The following RNF152 variants were observed in gnomAD, a reference collection of about 807,000 sequenced individuals.
RNF152 encodes the protein E3 ubiquitin-protein ligase RNF152.
In RNF152, 11 loss-of-function variants were observed where a neutral mutation model predicts 12.7. The ratio of observed to expected loss-of-function variants is 0.86; its 90% CI spans 0.54 to 1.43. RNF152 has a LOEUF of 1.43. Ranked by LOEUF, RNF152 falls within the 40% of genes most tolerant of loss-of-function variation. The pLI is 0.00. For missense variants in RNF152, 255 were observed against 274.8 expected (o/e 0.93, Z 0.51); for synonymous variants, 113 against 120.3 (o/e 0.94, Z 0.40).
intron 1 of RNF152, among the ~76,000 whole-genome samples, chr18:61,886,479 T>C (rs1160687387): frequency 6.6e-6 from 1 of 152,206 alleles, no homozygotes; most frequent in Non-Finnish European, 1.5e-5. Flanking sequence ...ATAAACTACA[T>C]GAGATATTTG....
Position 61,809,908 on chromosome 18 carries a change from T to G in RNF152, c.*5944A>C, listed in dbSNP as rs954807436. 1 of 148,602 alleles carries G rather than the reference T, an allele frequency of 6.7e-6. No individual in the cohort carries two copies. Among genetic ancestry groups the G allele is most frequent in the African/African-American group, 2.5e-5 (1 of 40,450 alleles). The allele number at this position is 148,602 out of a possible 1,614,324, so 9.2% of individuals were successfully genotyped here. A position where few individuals can be genotyped will look rare whatever the true frequency, so the allele number is the denominator to read the frequency against. On this transcript the variant is annotated 3_prime_UTR_variant, in exon 2 of 2. Coordinates refer to ENST00000312828, the MANE Select transcript of RNF152 (RefSeq NM_173557.3). ...TGGCTCGACTGAGCAAGAAAATTTGTGCAGAAAAATGGGAACCAAATTGCA... is the reference window on the plus strand; with the variant it reads ...TGGCTCGACTGAGCAAGAAAATTTGGGCAGAAAAATGGGAACCAAATTGCA...
chr18:61,809,760 T>C lies in RNF152; in HGVS notation c.*6092A>G, dbSNP rs546577087. 6.8e-6 allele frequency: 1 copy of C among 147,540 alleles called. No homozygotes were observed. Among genetic ancestry groups the C allele is most frequent in the Admixed American group, 7.0e-5 (1 of 14,320 alleles). 9.1% of individuals were successfully genotyped at this position (147,540 alleles called of 1,614,324 possible). On this transcript the variant is annotated 3_prime_UTR_variant, in exon 2 of 2. Transcript: ENST00000312828. ...ATGAATAATATAAAAAACCTTAGATTAGAATAATAAAATCGAGCTAATGAG... is the reference window on the plus strand; with the variant it reads ...ATGAATAATATAAAAAACCTTAGATCAGAATAATAAAATCGAGCTAATGAG...
chr18:61,829,971 G>C (rs141016410), intron 1 of RNF152, among the ~76,000 whole-genome samples: 1 of 151,472 alleles, frequency 6.6e-6, no homozygotes, highest in East Asian at 1.9e-4. Flanking sequence ...CAATTCAGTG[G>C]CTTTAAGTCA....
chr18:61,843,891 C>A (rs2144676685), intron 1 of RNF152, among the ~76,000 whole-genome samples: 2 of 151,722 alleles, frequency 1.3e-5, no homozygotes, highest in Middle Eastern at 6.8e-3. Context: ...TATGGTTGTA[C>A]AACATTGTGA....
In RNF152 at chr18:61,809,756, A is replaced by G. The variant is rs11664681; in HGVS notation, c.*6096T>C. 1.2e-3 allele frequency: 183 copies of G among 151,972 alleles called. No individual in the cohort carries two copies. The highest frequency in any genetic ancestry group is 3.2e-3 in the Middle Eastern group (1 of 316). 9.4% of individuals were successfully genotyped at this position (151,972 alleles called of 1,614,324 possible). A position where few individuals can be genotyped will look rare whatever the true frequency, so the allele number is the denominator to read the frequency against. On this transcript the variant is annotated 3_prime_UTR_variant, in exon 2 of 2. Transcript: ENST00000312828. ...TAGTATGAATAATATAAAAAACCTT[A>G]GATTAGAATAATAAAATCGAGCTAA... is the stretch of plus-strand genomic sequence containing the variant.
chr18:61,855,670 C>T (rs1267575543), intron 1 of RNF152, among the ~76,000 whole-genome samples: 1 of 152,230 alleles, frequency 6.6e-6, no homozygotes, highest in Non-Finnish European at 1.5e-5. Flanking sequence ...TGCACAGTGG[C>T]TGGACCCCAC....
chr18:61,873,462 C>T (rs1361893443), intron 1 of RNF152, among the ~76,000 whole-genome samples: 1 of 152,154 alleles, frequency 6.6e-6, no homozygotes, highest in Non-Finnish European at 1.5e-5. Flanking sequence ...CTCAGCCTCC[C>T]AAGTAGCTGG....
rs1056527884 is a variant in RNF152, at chr18:61,808,115, T to C, written c.*7737A>G. The C allele has an allele frequency of 6.6e-6, 1 of 151,992 alleles. No homozygotes were observed. The highest frequency in any genetic ancestry group is 1.9e-4 in the East Asian group (1 of 5,182). 9.4% of individuals were successfully genotyped at this position (151,992 alleles called of 1,614,324 possible). A position where few individuals can be genotyped will look rare whatever the true frequency, so the allele number is the denominator to read the frequency against. On this transcript the variant is annotated 3_prime_UTR_variant, in exon 2 of 2. Transcript: ENST00000312828. The stretch of plus-strand genomic sequence containing the variant: ...AATCATAGCAAATGTGTTTTTACGG[T>C]AGTCATAAAATCAACATTACCACAT...
rs781172675 is a variant in RNF152 at position 61,816,404 on chromosome 18, G to A, written c.60C>T (p.Ser20=). 7.7e-5 allele frequency: 124 copies of A among 1,613,810 alleles called. No individual in the cohort carries two copies. The highest frequency in any genetic ancestry group is 1.0e-4 in the Non-Finnish European group (121 of 1,179,936). The change falls in exon 2 of 2, where the codon AGC becomes AGT. Residue 20 remains serine (S), a synonymous_variant. Coordinates refer to ENST00000312828, the MANE Select transcript of RNF152 (RefSeq NM_173557.3). ...LECQICFNYY[S]PRRRPKLLDC... is the part of the protein sequence containing the mutation. ...CCAGCAACTTGGGCCTGCGCCGGGG[G>A]CTGTAGTAATTGAAACAGATCTGAC...
chr18:61,874,542 A>G (rs180955299), intron 1 of RNF152, among the ~76,000 whole-genome samples: 54 of 152,302 alleles, frequency 3.5e-4, no homozygotes, highest in African/African-American at 1.3e-3. Context: ...GAGACATAAC[A>G]GTTCTCATGG....
chr18:61,861,377 T>C (rs368368636), intron 1 of RNF152, among the ~76,000 whole-genome samples: 2 of 152,236 alleles, frequency 1.3e-5, no homozygotes, highest in Admixed American at 6.5e-5. Flanking sequence ...CAGTATTCAG[T>C]ATAATAATAT....
chr18:61,812,525 G>T lies in RNF152; in HGVS notation c.*3327C>A, dbSNP rs1271355629. The T allele has an allele frequency of 1.3e-5, 2 of 152,122 alleles. No homozygotes were observed. Among genetic ancestry groups the T allele is most frequent in the African/African-American group, 4.8e-5 (2 of 41,420 alleles). The allele number at this position is 152,122 out of a possible 1,614,324, so 9.4% of individuals were successfully genotyped here. On this transcript the variant is annotated 3_prime_UTR_variant, in exon 2 of 2. Transcript: ENST00000312828. ...AAGTTGCCTTTTCATCACAACTTAT[G>T]CCCCAAGTCATTATACAAAATTTTT... is the stretch of plus-strand genomic sequence containing the variant.
chr18:61,835,205 T>C (rs531737362), intron 1 of RNF152, among the ~76,000 whole-genome samples: 5 of 152,276 alleles, frequency 3.3e-5, no homozygotes, highest in African/African-American at 1.2e-4. Context: ...CAGTACAAAA[T>C]AGCATATTTA....
At chr18:61,839,054 CA>C (rs35125130) in intron 1 of RNF152, among the ~76,000 whole-genome samples, 37,031 of 127,622 alleles carry the variant, frequency 0.29, 5,312 homozygotes, top group Non-Finnish European at 0.37. Context: ...ACTCTGTGGC[CA>C]AAAAAAAAAA....
chr18:61,846,039 T>C (rs1041354403), intron 1 of RNF152, among the ~76,000 whole-genome samples: 2 of 152,112 alleles, frequency 1.3e-5, no homozygotes, highest in East Asian at 3.9e-4. Flanking sequence ...AGATGCCCTT[T>C]ATGAACCAGA....
At chr18:61,852,692 G>A (rs1315467805) in intron 1 of RNF152, among the ~76,000 whole-genome samples, 1 of 152,172 alleles carries the variant, frequency 6.6e-6, no homozygotes, top group Non-Finnish European at 1.5e-5. Flanking sequence ...GGCTTCCTGA[G>A]GTTCTGATTC....
chr18:61,874,276 T>C (rs1187469473), intron 1 of RNF152, among the ~76,000 whole-genome samples: 1 of 152,206 alleles, frequency 6.6e-6, no homozygotes, highest in Non-Finnish European at 1.5e-5. Flanking sequence ...TCCATCAAGG[T>C]AGTTAATGTC....
chr18:61,859,649 C>T (rs1175040525), intron 1 of RNF152, among the ~76,000 whole-genome samples: 1 of 152,106 alleles, frequency 6.6e-6, no homozygotes, highest in Admixed American at 6.6e-5. Context: ...GAGGCCGAGG[C>T]GGGCAGATCA....
intron 1 of RNF152, among the ~76,000 whole-genome samples, chr18:61,824,634 C>T (rs900924995): frequency 1.3e-5 from 2 of 152,188 alleles, no homozygotes; most frequent in African/African-American, 4.8e-5. Context: ...AAGAAAAACT[C>T]CTTCAAGTCT....
Sources: gnomAD v4.1 joint callset for allele counts (sites outside exome capture counted in the v4.1 genomes callset) on GRCh38, gnomAD v4.1.1 for gene constraint, MANE v1.5 for transcripts, NCBI Gene and HGNC (gene_info 2026-07-23, HGNC 2026-07-21) for gene names.